CCDC85C: variants seen among roughly 807,000 people sequenced by gnomAD.
CCDC85C encodes the protein coiled-coil domain containing 85C.
In CCDC85C, 18 loss-of-function variants were observed where a neutral mutation model predicts 38.3. The ratio of observed to expected loss-of-function variants is 0.47; its 90% CI spans 0.33 to 0.70. The LOEUF is 0.70. Ranked by LOEUF, CCDC85C falls within the 30% of genes least tolerant of loss-of-function variation. The probability of loss-of-function intolerance (pLI) is 0.03; values close to 1 mark genes in which losing one functional copy is unlikely to be tolerated. For synonymous variants in CCDC85C, 264 were observed against 293.8 expected (o/e 0.90, Z 1.04); for missense variants, 566 against 621.2 (o/e 0.91, Z 0.94).
chr14:99,522,104 A>G, intron 3 of CCDC85C, 29 bp downstream of exon 3: 1 of 1,513,352 alleles, frequency 6.6e-7, no homozygotes, highest in South Asian at 1.2e-5. Context: ...CATCCAGAAC[A>G]TGTGGGCTTT....
intron 1 of CCDC85C, among the ~76,000 whole-genome samples, chr14:99,589,384 C>T (rs182899975): frequency 9.4e-4 from 143 of 152,242 alleles, no homozygotes; most frequent in African/African-American, 3.3e-3. Flanking sequence ...TGGAGCTTCC[C>T]AACCACGAAC....
In CCDC85C at chr14:99,507,227, A is replaced by C; in HGVS notation, c.*8019T>G. ...GACGCAGCAGGTCCTGGGAACTTAG[A>C]AAAGGGAGACTGGGGCCCAGATTGA... On this transcript the variant is annotated 3_prime_UTR_variant, in exon 6 of 6. Coordinates refer to ENST00000380243, the MANE Select transcript of CCDC85C (RefSeq NM_001144995.2). The C allele has an allele frequency of 1.1e-6, 1 of 881,580 alleles. No homozygotes were observed. Among genetic ancestry groups the C allele is most frequent in the Non-Finnish European group, 1.9e-6 (1 of 520,032 alleles). The allele number at this position is 881,580 out of a possible 1,614,324, so 54.6% of individuals were successfully genotyped here. A position where few individuals can be genotyped will look rare whatever the true frequency, so the allele number is the denominator to read the frequency against.
At chr14:99,517,216 C>G in intron 3 of CCDC85C, 33 bp from the exon 4 acceptor site, 1 of 1,479,894 alleles carries the variant, frequency 6.8e-7, no homozygotes, top group African/African-American at 1.4e-5. Context: ...TCAGCTCACC[C>G]TGGCTGGCTC....
intron 1 of CCDC85C, among the ~76,000 whole-genome samples, chr14:99,555,321 C>T (rs1897990001): frequency 6.6e-6 from 1 of 150,990 alleles, no homozygotes; most frequent in South Asian, 2.1e-4. Flanking sequence ...ACCTGTCCTA[C>T]CAGCAGGATG....
intron 1 of CCDC85C, among the ~76,000 whole-genome samples, chr14:99,585,254 C>G (rs779065765): frequency 6.6e-6 from 1 of 152,158 alleles, no homozygotes; most frequent in Non-Finnish European, 1.5e-5. Flanking sequence ...GTAGTTAGTT[C>G]TTTTTCTAAA....
intron 1 of CCDC85C, among the ~76,000 whole-genome samples, chr14:99,579,461 G>C (rs2054941512): frequency 6.6e-6 from 1 of 152,196 alleles, no homozygotes; most frequent in East Asian, 1.9e-4. Flanking sequence ...CAGGGGCCTG[G>C]GGTTGGGGGC....
Position 99,501,305 on chromosome 14 carries a change from C to A in CCDC85C, c.*13941G>T. Reference sequence around the variant, plus strand: ...GGTTTTTAATAAATACTTGATGCTGCCTGTGAATTTTTCTATTGCTATTAA... The same window carrying A: ...GGTTTTTAATAAATACTTGATGCTGACTGTGAATTTTTCTATTGCTATTAA... On this transcript the variant is annotated 3_prime_UTR_variant, in exon 6 of 6. Coordinates refer to ENST00000380243, the MANE Select transcript of CCDC85C (RefSeq NM_001144995.2). The A allele has an allele frequency of 8.7e-7, 1 of 1,149,070 alleles. No individual in the cohort carries two copies. Among genetic ancestry groups the A allele is most frequent in the Non-Finnish European group, 1.3e-6 (1 of 758,382 alleles). The allele number at this position is 1,149,070 out of a possible 1,614,324, so 71.2% of individuals were successfully genotyped here.
At chr14:99,575,985 T>C (rs534729386) in intron 1 of CCDC85C, among the ~76,000 whole-genome samples, 1 of 152,242 alleles carries the variant, frequency 6.6e-6, no homozygotes, top group African/African-American at 2.4e-5. Context: ...TCCACTCCCT[T>C]CCAGAAACTG....
chr14:99,593,854 C>A (rs543036959), intron 1 of CCDC85C, among the ~76,000 whole-genome samples: 1 of 152,182 alleles, frequency 6.6e-6, no homozygotes, highest in Non-Finnish European at 1.5e-5. Flanking sequence ...GGGCTGGGCA[C>A]GGGCACTGGT....
At chr14:99,518,794 G>A (rs1244648116) in intron 3 of CCDC85C, among the ~76,000 whole-genome samples, 1 of 152,200 alleles carries the variant, frequency 6.6e-6, no homozygotes, top group Non-Finnish European at 1.5e-5. Context: ...CAGGCAGGAG[G>A]GAAGCCAGGA....
chr14:99,529,474 C>CT (rs1938755508), intron 2 of CCDC85C, among the ~76,000 whole-genome samples: 1 of 152,222 alleles, frequency 6.6e-6, no homozygotes, highest in African/African-American at 2.4e-5. Context: ...GCAATCTCGG[C>CT]TTGCTGCAAC....
rs2055047961 is a variant in CCDC85C, at chr14:99,588,245, A to C, written c.793+14922T>G. Among the ~76,000 whole-genome samples, 1 of 152,052 alleles carries C rather than the reference A, an allele frequency of 6.6e-6. No homozygotes were observed. The highest frequency in any genetic ancestry group is 2.4e-5 in the African/African-American group (1 of 41,414). On this transcript the variant is annotated intron_variant, in intron 1 of 5. Transcript: ENST00000380243. The surrounding 1 kb of genome is among the most constrained non-coding windows in gnomAD (Gnocchi z 5.0). ...GAATGCCGAGTCCAACCTGCTTGGGATGCAGCTGGCATGGTGGTACACCAG... is the reference window on the plus strand; with the variant it reads ...GAATGCCGAGTCCAACCTGCTTGGGCTGCAGCTGGCATGGTGGTACACCAG...
chr14:99,558,721 A>G lies in CCDC85C; in HGVS notation c.794-22633T>C, dbSNP rs541345969. ...AACAGAGGAGGCCGGATGGAAAGAA[A>G]GGCAGACATGGGAGAGATGAGGCCA... On this transcript the variant is annotated intron_variant, in intron 1 of 5. Transcript: ENST00000380243. This position sits in a 1 kb window ranked among gnomAD's most constrained non-coding sequence, Gnocchi z 4.2. 6.6e-6 allele frequency among the ~76,000 whole-genome samples: 1 copy of G among 152,268 alleles called. No individual in the cohort carries two copies. Among genetic ancestry groups the G allele is most frequent in the Non-Finnish European group, 1.5e-5 (1 of 68,050 alleles).
intron 1 of CCDC85C, among the ~76,000 whole-genome samples, chr14:99,557,620 GC>G (rs1256712032): frequency 1.3e-5 from 2 of 152,332 alleles, no homozygotes; most frequent in Non-Finnish European, 2.9e-5. Flanking sequence ...AGAAAGGAAT[GC>G]CCAGGGTACA....
chr14:99,503,484 A>C lies in CCDC85C; in HGVS notation c.*11762T>G. ...GTTTGCCCTGAAAGTTCAGGCTAGA[A>C]ATAATTTTTGTCCGAGGCTGTTCAC... On this transcript the variant is annotated 3_prime_UTR_variant, in exon 6 of 6. Transcript: ENST00000380243. 4 of 735,534 alleles carry C rather than the reference A, an allele frequency of 5.4e-6. No individual in the cohort carries two copies. The highest frequency in any genetic ancestry group is 9.2e-6 in the Non-Finnish European group (4 of 436,038). 45.6% of individuals were successfully genotyped at this position (735,534 alleles called of 1,614,324 possible). A position where few individuals can be genotyped will look rare whatever the true frequency, so the allele number is the denominator to read the frequency against.
At chr14:99,571,677 C>T (rs1397531646) in intron 1 of CCDC85C, among the ~76,000 whole-genome samples, 3 of 152,230 alleles carry the variant, frequency 2.0e-5, no homozygotes, top group African/African-American at 7.2e-5. Flanking sequence ...ATTTACGATG[C>T]CAGCAACTCC....
chr14:99,536,250 G>A (rs1464826986), intron 1 of CCDC85C, among the ~76,000 whole-genome samples, 162 bp from the exon 2 acceptor site: 1 of 152,206 alleles, frequency 6.6e-6, no homozygotes, highest in African/African-American at 2.4e-5. Flanking sequence ...CGCCCGCCCT[G>A]TGGAAACAGC....
In CCDC85C at chr14:99,512,362, A is replaced by AT. The variant is rs1897149695; in HGVS notation, c.*2883dup. On this transcript the variant is annotated 3_prime_UTR_variant, in exon 6 of 6. Coordinates refer to ENST00000380243, the MANE Select transcript of CCDC85C (RefSeq NM_001144995.2). ...AGTCCATCTCCAAAAAGCAGCACAA[A>AT]TACTTTGCCCCACAGTATGAAAAAT... 1 of 151,946 alleles carries AT rather than the reference A, an allele frequency of 6.6e-6. No homozygotes were observed. The highest frequency in any genetic ancestry group is 1.5e-5 in the Non-Finnish European group (1 of 68,006). 9.4% of individuals were successfully genotyped at this position (151,946 alleles called of 1,614,324 possible).
intron 1 of CCDC85C, among the ~76,000 whole-genome samples, chr14:99,593,911 G>A (rs1174379852): frequency 6.6e-6 from 1 of 151,862 alleles, no homozygotes; most frequent in Non-Finnish European, 1.5e-5. Context: ...GCCACAATTA[G>A]GAACCACTGG....
Sources: gnomAD v4.1 joint callset for allele counts (sites outside exome capture counted in the v4.1 genomes callset) on GRCh38, gnomAD v4.1.1 for gene constraint, Gnocchi (gnomAD v3.1) non-coding constraint, MANE v1.5 for transcripts, NCBI Gene and HGNC (gene_info 2026-07-23, HGNC 2026-07-21) for gene names.